Variants in ZNF451 observed in about 807,000 individuals in gnomAD.
ZNF451 encodes zinc finger protein 451, also known as E3 SUMO-protein ligase ZNF451.
In ZNF451, 80 loss-of-function variants were observed where a neutral mutation model predicts 107.1. That is an observed-to-expected ratio of 0.75 (90% CI 0.62 to 0.90). The LOEUF (loss-of-function observed/expected upper bound fraction) is 0.90, where lower values mean the gene tolerates loss of function less well. Ranked by LOEUF, ZNF451 falls within the 40% of genes least tolerant of loss-of-function variation. ZNF451 has a pLI of 0.00. For missense variants in ZNF451, 1,107 were observed against 1,236.2 expected, an observed-to-expected ratio of 0.90 and a Z score of 1.57; for synonymous variants, 362 against 406.5, an observed-to-expected ratio of 0.89 and a Z score of 1.32.
chr6:57,102,376 C>T (rs1007711164), intron 3 of ZNF451: 3 of 1,097,486 alleles, frequency 2.7e-6, no homozygotes, highest in South Asian at 4.1e-5. Flanking sequence ...GGAGGAGGAC[C>T]ACTCAGGAAT....
chr6:57,099,144 A>G lies in ZNF451; in HGVS notation c.186+3A>G, dbSNP rs1179801524. 6.3e-7 allele frequency: 1 copy of G among 1,597,084 alleles called. No individual in the cohort carries two copies. Among genetic ancestry groups the G allele is most frequent in the Non-Finnish European group, 8.6e-7 (1 of 1,164,692 alleles). On this transcript the variant is annotated splice_donor_region_variant and intron_variant, in intron 3 of 14. Coordinates refer to ENST00000370706, the MANE Select transcript of ZNF451 (RefSeq NM_001031623.3). ...AGCCTAGCACCTCTTATACTGATGT[A>G]AGTACATTATATTTGATTTGTGTTT...
chr6:57,107,179 C>G, intron 3 of ZNF451: 1 of 985,266 alleles, frequency 1.0e-6, no homozygotes, highest in Non-Finnish European at 1.2e-6. Context: ...ATGTTGTTAG[C>G]ATATCAGTTA....
At chr6:57,097,408 C>T (rs956471398) in intron 2 of ZNF451, among the ~76,000 whole-genome samples, 22 of 152,224 alleles carry the variant, frequency 1.4e-4, no homozygotes, top group Non-Finnish European at 3.1e-4. Flanking sequence ...CTACATCCTA[C>T]AAAATCCTTT....
At chr6:57,142,148 G>A (rs1172957690) in intron 9 of ZNF451, 53 bp downstream of exon 9, 10 of 1,504,138 alleles carry the variant, frequency 6.6e-6, no homozygotes, top group South Asian at 1.3e-5. Context: ...TTGCCAGTGA[G>A]AAGATTCAAC....
intron 8 of ZNF451, 124 bp from the exon 9 acceptor site, chr6:57,141,824 T>C (rs1179461138): frequency 1.2e-6 from 1 of 852,498 alleles, no homozygotes; most frequent in African/African-American, 1.7e-5. Context: ...CTTAGATTTT[T>C]ATTGCCAAAA....
At position 57,169,807 on chromosome 6, in the gene ZNF451, ATTGTGCT is replaced by A; in HGVS notation, c.*1341_*1347del. The A allele has an allele frequency of 6.6e-6, 1 of 152,164 alleles. No homozygotes were observed. The highest frequency in any genetic ancestry group is 1.5e-5 in the Non-Finnish European group (1 of 68,040). The allele number at this position is 152,164 out of a possible 1,614,324, so 9.4% of individuals were successfully genotyped here. A position where few individuals can be genotyped will look rare whatever the true frequency, so the allele number is the denominator to read the frequency against. ...TCAATCATCTTTCCGAAATGACCAC[ATTGTGCT>A]TTTAGTTTGTATGTTTAAGTGGTCA... On this transcript the variant is annotated 3_prime_UTR_variant, in exon 15 of 15. Transcript: ENST00000370706.
intron 2 of ZNF451, among the ~76,000 whole-genome samples, chr6:57,095,459 A>G (rs1203065929): frequency 6.6e-6 from 1 of 151,354 alleles, no homozygotes; most frequent in African/African-American, 2.4e-5. Flanking sequence ...CAGCCTCCCA[A>G]ATAGCTGGGA....
intron 11 of ZNF451, 147 bp downstream of exon 11, chr6:57,151,009 A>G: frequency 1.0e-6 from 1 of 980,712 alleles, no homozygotes; most frequent in Non-Finnish European, 1.5e-6. Context: ...ACTCTGCTAG[A>G]ATCGTTTTCT....
At chr6:57,103,457 C>G (rs1023587120) in intron 3 of ZNF451, 17 of 985,384 alleles carry the variant, frequency 1.7e-5, no homozygotes, top group Non-Finnish European at 2.0e-5. Flanking sequence ...TTTCACCATA[C>G]TGGAACTGGC....
At chr6:57,106,682 TTTGG>T in intron 3 of ZNF451, 1 of 985,190 alleles carries the variant, frequency 1.0e-6, no homozygotes, top group Non-Finnish European at 1.2e-6. Context: ...TCTCTTGTCT[TTTGG>T]AATCTATCAT....
intron 3 of ZNF451, chr6:57,102,077 G>T (rs748780104): frequency 2.6e-6 from 4 of 1,517,204 alleles, no homozygotes; most frequent in South Asian, 1.3e-5. Flanking sequence ...TCTCCAGAAC[G>T]CCATGGGTAC....
intron 3 of ZNF451, chr6:57,103,601 G>C: frequency 3.0e-6 from 3 of 985,260 alleles, no homozygotes; most frequent in Non-Finnish European, 2.4e-6. Flanking sequence ...AAATTTGAGG[G>C]GTCTGAATAC....
At chr6:57,104,669 T>C (rs2127943295) in intron 3 of ZNF451, 3 of 985,202 alleles carry the variant, frequency 3.0e-6, no homozygotes, top group Non-Finnish European at 3.6e-6. Flanking sequence ...CGTATGGTAG[T>C]GTTGACTATA....
intron 3 of ZNF451, chr6:57,107,603 T>C: frequency 1.0e-6 from 1 of 985,368 alleles, no homozygotes; most frequent in Non-Finnish European, 1.2e-6. Context: ...AATACAGCTC[T>C]GATATATCTT....
chr6:57,153,346 G>T (rs1832434438), intron 12 of ZNF451, among the ~76,000 whole-genome samples: 1 of 151,050 alleles, frequency 6.6e-6, no homozygotes, highest in Non-Finnish European at 1.5e-5. Context: ...TAATTTAATG[G>T]CATCTTATAT....
In ZNF451 at chr6:57,153,909, C is replaced by T. The variant is rs1360599761; in HGVS notation, c.2932C>T (p.Leu978Phe). Reference sequence around the variant, plus strand: ...ACCCAAGCAAATTCCTTTCACCATCCTCTCAGGAGATCAAGGTTTTCTGGA... The same window carrying T: ...ACCCAAGCAAATTCCTTTCACCATCTTCTCAGGAGATCAAGGTTTTCTGGA... ...QLPKQIPFTILSGDQGFLELE... is the reference protein window; with the variant it reads ...QLPKQIPFTIFSGDQGFLELE... The change falls in exon 13 of 15, where the codon CTC (leucine) becomes TTC (phenylalanine). Residue 978 changes from leucine (L) to phenylalanine (F), a missense_variant. Transcript: ENST00000370706. The T allele has an allele frequency of 9.3e-6, 15 of 1,614,086 alleles. No homozygotes were observed. Among genetic ancestry groups the T allele is most frequent in the African/African-American group, 2.7e-5 (2 of 74,930 alleles).
intron 4 of ZNF451, among the ~76,000 whole-genome samples, chr6:57,128,282 A>T (rs896161781): frequency 6.6e-6 from 1 of 152,194 alleles, no homozygotes; most frequent in Non-Finnish European, 1.5e-5. Flanking sequence ...GGTAGCCTTA[A>T]TAACTTTTAA....
At chr6:57,148,722 C>T (rs931090827) in intron 10 of ZNF451, 29 bp downstream of exon 10, 1 of 1,534,812 alleles carries the variant, frequency 6.5e-7, no homozygotes, top group Non-Finnish European at 8.7e-7. Context: ...ATGCAAATTT[C>T]ATATACTGAT....
intron 5 of ZNF451, among the ~76,000 whole-genome samples, chr6:57,131,636 TAA>T (rs1425255269): frequency 6.6e-6 from 1 of 152,184 alleles, no homozygotes; most frequent in African/African-American, 2.4e-5. Flanking sequence ...CAATAAAGAC[TAA>T]AAGAGAGGAA....
Sources: gnomAD v4.1 joint callset for allele counts (sites outside exome capture counted in the v4.1 genomes callset) on GRCh38, gnomAD v4.1.1 for gene constraint, MANE v1.5 for transcripts, NCBI Gene and HGNC (gene_info 2026-07-23, HGNC 2026-07-21) for gene names.